CALCRL: variants seen among roughly 807,000 people sequenced by gnomAD.
CALCRL encodes calcitonin gene-related peptide type 1 receptor.
Under a neutral mutation model 60.4 loss-of-function variants are expected in CALCRL, and 27 were observed. That is an observed-to-expected ratio of 0.45 (90% CI 0.33 to 0.62). CALCRL has a LOEUF of 0.62. Among genes scored for constraint, CALCRL ranks in the 20% least tolerant of loss-of-function variants. The pLI, the probability that CALCRL is intolerant of heterozygous loss-of-function variation, is 0.03. For missense variants in CALCRL, 424 were observed against 540.7 expected (o/e 0.78, Z 2.14); for synonymous variants, 190 against 182.6 (o/e 1.04, Z -0.33).
Position 187,432,622 on chromosome 2 carries a change from C to T in CALCRL, c.-293+15417G>A, listed in dbSNP as rs188373631. ...AAAATTACCTTGTAAATGTTTACTC[C>T]TTCATGTGTTTTTAAAACATATTAT... On this transcript the variant is annotated intron_variant, in intron 1 of 14. Transcript: ENST00000392370. Among the ~76,000 whole-genome samples the T allele has an allele frequency of 1.9e-3, 282 of 152,034 alleles. 2 individuals are homozygous for T. Among genetic ancestry groups the T allele is most frequent in the East Asian group, 0.011 (58 of 5,116 alleles).
chr2:187,366,189 G>A (rs897241617), intron 8 of CALCRL, among the ~76,000 whole-genome samples: 1 of 143,886 alleles, frequency 6.9e-6, no homozygotes, highest in African/African-American at 2.6e-5. Context: ...CTTGCAGTGA[G>A]CCGAGATTGC....
intron 1 of CALCRL, among the ~76,000 whole-genome samples, chr2:187,419,802 T>G (rs1286623428): frequency 6.6e-6 from 1 of 152,222 alleles, no homozygotes; most frequent in Non-Finnish European, 1.5e-5. Context: ...TCCCTTAAAT[T>G]ATTTTAGCTA....
At chr2:187,398,689 C>A (rs1277992272) in intron 1 of CALCRL, among the ~76,000 whole-genome samples, 1 of 151,544 alleles carries the variant, frequency 6.6e-6, no homozygotes, top group Admixed American at 6.6e-5. Flanking sequence ...GTGGTCCAAC[C>A]AACACCACTG....
intron 8 of CALCRL, among the ~76,000 whole-genome samples, chr2:187,364,538 G>A (rs1168879161): frequency 6.6e-6 from 1 of 151,840 alleles, no homozygotes; most frequent in African/African-American, 2.4e-5. Context: ...TCAAGCCAAA[G>A]GCTTCTATTT....
Position 187,352,071 on chromosome 2 carries a change from A to G in CALCRL, c.1128+43T>C, listed in dbSNP as rs1210346061. ...TAAACCAAAGCTATATGTATATTTA[A>G]TTCCAAACTTCTCAAGCTGCCTTCT... On this transcript the variant is annotated intron_variant, in intron 13 of 14. Coordinates refer to ENST00000392370, the MANE Select transcript of CALCRL (RefSeq NM_005795.6). The G allele has an allele frequency of 5.1e-6, 8 of 1,581,790 alleles. No homozygotes were observed. In the East Asian group the frequency reaches 1.8e-4, roughly 35 times the overall value.
At chr2:187,438,024 G>A (rs1690725724) in intron 1 of CALCRL, among the ~76,000 whole-genome samples, 3 of 152,220 alleles carry the variant, frequency 2.0e-5, no homozygotes, top group Admixed American at 2.0e-4. Flanking sequence ...TTTACTGAAT[G>A]ACATACATAT....
At chr2:187,400,938 G>T (rs1290248374) in intron 1 of CALCRL, among the ~76,000 whole-genome samples, 5 of 151,494 alleles carry the variant, frequency 3.3e-5, no homozygotes, top group Non-Finnish European at 5.9e-5. Context: ...TCAGAGTAAT[G>T]AATGTGTTCG....
intron 1 of CALCRL, among the ~76,000 whole-genome samples, chr2:187,413,954 A>G (rs1689475288): frequency 6.6e-6 from 1 of 152,136 alleles, no homozygotes; most frequent in Admixed American, 6.5e-5. Context: ...CTCTAGACTC[A>G]ATATCTACAT....
chr2:187,380,739 A>G lies in CALCRL; in HGVS notation c.233T>C (p.Val78Ala), dbSNP rs1559052135. ...TWDGWLCWNDVAAGTESMQLC... is the reference protein window; with the variant it reads ...TWDGWLCWNDAAAGTESMQLC... ...CTGCATTGATTCAGTTCCTGCTGCAACATCGTTCCAGCAGAGCCATCCATC... is the reference window on the plus strand; with the variant it reads ...CTGCATTGATTCAGTTCCTGCTGCAGCATCGTTCCAGCAGAGCCATCCATC... The change falls in exon 6 of 15, where the codon GTT becomes GCT. Residue 78 changes from valine to alanine, a missense_variant. Coordinates refer to ENST00000392370, the MANE Select transcript of CALCRL (RefSeq NM_005795.6). The G allele has an allele frequency of 1.2e-6, 2 of 1,614,150 alleles. No homozygotes were observed. Among genetic ancestry groups the G allele is most frequent in the Non-Finnish European group, 1.7e-6 (2 of 1,180,002 alleles).
At position 187,380,476 on chromosome 2, in the gene CALCRL, C is replaced by G. The variant is rs1274172588; in HGVS notation, c.399G>C (p.Glu133Asp). Reference protein sequence around the residue: ...NYTQCNVNTHEKVKTALNLFY... With the variant: ...NYTQCNVNTHDKVKTALNLFY... ...CAGAATTATGACATACCTTCACTTT[C>G]TCGTGGGTGTTAACATTACACTGGG... The change falls in exon 7 of 15, where the codon GAG becomes GAC. Residue 133 changes from glutamate (E) to aspartate (D), a missense_variant. Coordinates refer to ENST00000392370, the MANE Select transcript of CALCRL (RefSeq NM_005795.6). 2 of 1,587,042 alleles carry G rather than the reference C, an allele frequency of 1.3e-6. No homozygotes were observed. Among genetic ancestry groups the G allele is most frequent in the South Asian group, 2.2e-5 (2 of 90,274 alleles).
chr2:187,359,382 C>G, intron 10 of CALCRL, 110 bp from the exon 11 acceptor site: 1 of 684,528 alleles, frequency 1.5e-6, no homozygotes, highest in East Asian at 2.8e-5. Flanking sequence ...AGCAAAAAAA[C>G]TAGCCACTAT....
chr2:187,378,159 A>G (rs1687843397), intron 8 of CALCRL, among the ~76,000 whole-genome samples: 1 of 151,978 alleles, frequency 6.6e-6, no homozygotes, highest in Non-Finnish European at 1.5e-5. Flanking sequence ...AAGAAAGAGA[A>G]GGAGCAGCAG....
chr2:187,379,548 T>G (rs1687904740), intron 7 of CALCRL, among the ~76,000 whole-genome samples: 1 of 152,164 alleles, frequency 6.6e-6, no homozygotes, highest in African/African-American at 2.4e-5. Flanking sequence ...TCTCATGGTT[T>G]TCACTTTTTT....
chr2:187,364,091 G>A (rs540271501), intron 8 of CALCRL, among the ~76,000 whole-genome samples: 1 of 152,158 alleles, frequency 6.6e-6, no homozygotes, highest in East Asian at 1.9e-4. Flanking sequence ...TTTCTAATTG[G>A]TGCAGCCATA....
At chr2:187,367,293 C>T (rs181838755) in intron 8 of CALCRL, among the ~76,000 whole-genome samples, 42 of 152,190 alleles carry the variant, frequency 2.8e-4, no homozygotes, top group African/African-American at 9.1e-4. Flanking sequence ...ACTGGACCAT[C>T]GCCACATCAT....
intron 1 of CALCRL, among the ~76,000 whole-genome samples, chr2:187,400,040 G>A (rs1574277140): frequency 1.3e-5 from 2 of 151,306 alleles, no homozygotes; most frequent in East Asian, 3.9e-4. Flanking sequence ...AGACTATGGA[G>A]TAAATACAGT....
chr2:187,443,339 T>G (rs760672706), intron 1 of CALCRL, among the ~76,000 whole-genome samples: 1 of 151,830 alleles, frequency 6.6e-6, no homozygotes, highest in Non-Finnish European at 1.5e-5. Context: ...TTATTGAATA[T>G]GTACTAAATG....
intron 1 of CALCRL, among the ~76,000 whole-genome samples, 184 bp from the exon 2 acceptor site, chr2:187,387,940 G>C (rs1354243907): frequency 6.6e-6 from 1 of 151,950 alleles, no homozygotes; most frequent in Non-Finnish European, 1.5e-5. Context: ...TATATTCACA[G>C]CATGGGATGT....
Position 187,373,834 on chromosome 2 carries a change from A to G in CALCRL, c.500+5106T>C, listed in dbSNP as rs577541549. On this transcript the variant is annotated intron_variant, in intron 8 of 14. Transcript: ENST00000392370. ...CACGCTACACAGCAAGTAAGTGACA[A>G]AGTGGAATTTGAGACCAATACTGCC... is the stretch of plus-strand genomic sequence containing the variant. 1.2e-3 allele frequency among the ~76,000 whole-genome samples: 176 copies of G among 152,254 alleles called. 2 individuals carry two copies. Among genetic ancestry groups the G allele is most frequent in the African/African-American group, 4.1e-3 (170 of 41,554 alleles).
Sources: gnomAD v4.1 joint callset for allele counts (sites outside exome capture counted in the v4.1 genomes callset) on GRCh38, gnomAD v4.1.1 for gene constraint, MANE v1.5 for transcripts, NCBI Gene and HGNC (gene_info 2026-07-23, HGNC 2026-07-21) for gene names.